CDKL3: variants seen among roughly 807,000 people sequenced by gnomAD.
The protein encoded by CDKL3 is cyclin-dependent kinase-like 3.
CDKL3 carries 65 observed loss-of-function variants against 69.3 expected under a neutral mutation model. The ratio of observed to expected loss-of-function variants is 0.94; its 90% CI spans 0.77 to 1.15. The LOEUF is 1.15. Among genes scored for constraint, CDKL3 ranks in the 50% most tolerant of loss-of-function variants. The pLI is 0.00. For synonymous variants in CDKL3, 202 were observed against 221.6 expected (o/e 0.91, Z 0.79); for missense variants, 652 against 689.2 (o/e 0.95, Z 0.61).
At chr5:134,344,744 C>G (rs1442381497) in intron 4 of CDKL3, among the ~76,000 whole-genome samples, 1 of 152,016 alleles carries the variant, frequency 6.6e-6, no homozygotes, top group East Asian at 1.9e-4. Context: ...GTCAAAATAG[C>G]GAGACCCTGT....
At chr5:134,294,101 T>A (rs1765243192), downstream of CDKL3, among the ~76,000 whole-genome samples, 1 of 152,124 alleles carries the variant, frequency 6.6e-6, no homozygotes, top group African/African-American at 2.4e-5. Context: ...AGAGTAAGAC[T>A]CTGTCTCGAA....
intron 4 of CDKL3, among the ~76,000 whole-genome samples, chr5:134,323,322 C>T (rs188225512): frequency 1.3e-5 from 2 of 152,094 alleles, no homozygotes; most frequent in Non-Finnish European, 2.9e-5. Flanking sequence ...TAAATACATA[C>T]AATTTAATCT....
downstream of CDKL3, among the ~76,000 whole-genome samples, chr5:134,283,585 C>A (rs182112320): frequency 2.6e-5 from 4 of 152,256 alleles, no homozygotes; most frequent in Admixed American, 1.3e-4. Context: ...CCAAGTCCTT[C>A]CCACAACACA....
At chr5:134,294,968 A>G (rs1765281419), downstream of CDKL3, among the ~76,000 whole-genome samples, 3 of 150,198 alleles carry the variant, frequency 2.0e-5, no homozygotes, top group Admixed American at 1.3e-4. Flanking sequence ...CTAAATAAAG[A>G]GTTTGTATCA....
upstream of CDKL3, among the ~76,000 whole-genome samples, chr5:134,369,135 C>T (rs1758055591): frequency 6.6e-6 from 1 of 152,178 alleles, no homozygotes; most frequent in African/African-American, 2.4e-5. Context: ...CAGTTAATAG[C>T]TTTAAAATTA....
intron 4 of CDKL3, among the ~76,000 whole-genome samples, chr5:134,334,831 G>A (rs1437431613): frequency 1.3e-5 from 2 of 152,116 alleles, no homozygotes; most frequent in East Asian, 1.9e-4. Context: ...TATTAGGTCC[G>A]CTTGGTCCAG....
intron 11 of CDKL3, among the ~76,000 whole-genome samples, chr5:134,303,781 G>T (rs546715338): frequency 1.3e-5 from 2 of 151,984 alleles, no homozygotes; most frequent in East Asian, 3.9e-4. Flanking sequence ...CCTGGGAGGT[G>T]GTGGTTGCAC....
rs377413286 is a variant in CDKL3 at position 134,321,907 on chromosome 5, A to T, written c.540-4T>A. The T allele has an allele frequency of 1.4e-4, 212 of 1,522,698 alleles. No homozygotes were observed. Among genetic ancestry groups the T allele is most frequent in the Non-Finnish European group, 1.8e-4 (198 of 1,110,070 alleles). 94.3% of individuals were successfully genotyped at this position (1,522,698 alleles called of 1,614,324 possible). A position where few individuals can be genotyped will look rare whatever the true frequency, so the allele number is the denominator to read the frequency against. ...CAAAGCCCAGATATCCACAGGTCTGAAACAGATCAGGGAAAAAAAAATCAC... is the reference window on the plus strand; with the variant it reads ...CAAAGCCCAGATATCCACAGGTCTGTAACAGATCAGGGAAAAAAAAATCAC... On this transcript the variant is annotated splice_polypyrimidine_tract_variant and splice_region_variant and intron_variant, in intron 4 of 12. Transcript: ENST00000265334.
chr5:134,362,958 G>A (rs1371637619), intron 2 of CDKL3, among the ~76,000 whole-genome samples: 1 of 152,066 alleles, frequency 6.6e-6, no homozygotes, highest in Non-Finnish European at 1.5e-5. Flanking sequence ...ATAACAAAAA[G>A]CCAATGAGAA....
At chr5:134,317,852 G>C (rs939522162) in intron 6 of CDKL3, among the ~76,000 whole-genome samples, 2 of 152,150 alleles carry the variant, frequency 1.3e-5, no homozygotes, top group Non-Finnish European at 2.9e-5. Flanking sequence ...GAACTGCAGT[G>C]AGCCGAGGTG....
chr5:134,361,789 A>C (rs893851429), intron 2 of CDKL3, among the ~76,000 whole-genome samples: 5 of 152,330 alleles, frequency 3.3e-5, no homozygotes, highest in Admixed American at 3.3e-4. Context: ...CTGTAATCCC[A>C]GCTACTAGAG....
chr5:134,359,936 G>C lies in CDKL3; in HGVS notation c.321C>G (p.Phe107Leu), dbSNP rs753244596. 1 of 1,588,340 alleles carries C rather than the reference G, an allele frequency of 6.3e-7. No individual in the cohort carries two copies. Among genetic ancestry groups the C allele is most frequent in the Non-Finnish European group, 8.6e-7 (1 of 1,166,512 alleles). Residue 107 changes from phenylalanine to leucine, a missense_variant, in exon 3 of 13, where the codon TTC becomes TTG. Transcript: ENST00000265334. The part of the protein sequence containing the change: ...LESKRLRKYL[F>L]QILRAIDYLH... ...GATAGTCAATTGCTCGAAGGATCTG[G>C]AAGAGGTATTTTCTAAGTCGCTTAC...
rs144072518 is a variant in CDKL3, at chr5:134,292,934, A to G, written c.*678-6375T>C. Among the ~76,000 whole-genome samples, 104 of 151,542 alleles carry G rather than the reference A, an allele frequency of 6.9e-4. 1 individual carries two copies. The East Asian group carries it at 0.019, about 28-fold the overall frequency. On this transcript the variant is annotated intron_variant and NMD_transcript_variant, in intron 8 of 8. Coordinates refer to the CDKL3 transcript ENST00000519312. ...ATCTCTATTAAATAAATGTAAGGAA[A>G]TTAAATTTGTATATTAAGATCCTTT... is the stretch of plus-strand genomic sequence containing the variant.
intron 4 of CDKL3, among the ~76,000 whole-genome samples, chr5:134,347,745 A>G (rs538806803): frequency 7.3e-5 from 11 of 150,670 alleles, no homozygotes; most frequent in African/African-American, 2.7e-4. Context: ...AATACATGCT[A>G]TGTTAAGTGA....
intron 3 of CDKL3, among the ~76,000 whole-genome samples, chr5:134,356,824 A>T (rs576072523): frequency 7.9e-5 from 12 of 152,100 alleles, no homozygotes; most frequent in African/African-American, 2.9e-4. Flanking sequence ...AAAAACTCTT[A>T]TCTCACAATC....
At chr5:134,286,713 A>G (rs1413343726) in intron 8 of CDKL3, among the ~76,000 whole-genome samples, 1 of 152,164 alleles carries the variant, frequency 6.6e-6, no homozygotes, top group Non-Finnish European at 1.5e-5. Context: ...TTGTGCAGGA[A>G]AACTCCCCCT....
At chr5:134,321,215 T>C (rs1018143580) in intron 5 of CDKL3, among the ~76,000 whole-genome samples, 1 of 151,954 alleles carries the variant, frequency 6.6e-6, no homozygotes, top group Non-Finnish European at 1.5e-5. Flanking sequence ...TTTCACTATG[T>C]TGGTCAGGTT....
At position 134,306,750 on chromosome 5, in the gene CDKL3, CTTTTTTT is replaced by C. The variant is rs11414446; in HGVS notation, c.1365-55_1365-49del. The C allele has an allele frequency of 6.1e-3, 1,384 of 227,678 alleles. 8 individuals carry two copies. Among genetic ancestry groups the C allele is most frequent in the African/African-American group, 0.047 (953 of 20,120 alleles). The allele number at this position is 227,678 out of a possible 1,614,324, so 14.1% of individuals were successfully genotyped here. ...AAGTTACTAAAACTCCCCAGAAATG[CTTTTTTT>C]TTTTTTTTTTTTTTTTTGGCAGATT... On this transcript the variant is annotated intron_variant, in intron 9 of 12. Coordinates refer to ENST00000265334, the MANE Select transcript of CDKL3 (RefSeq NM_001113575.2).
intron 7 of CDKL3, among the ~76,000 whole-genome samples, chr5:134,311,146 A>G (rs1377689765): frequency 6.6e-6 from 1 of 152,236 alleles, no homozygotes; most frequent in African/African-American, 2.4e-5. Flanking sequence ...TGGGGCACAG[A>G]AGGGCCATAA....
Sources: gnomAD v4.1 joint callset for allele counts (sites outside exome capture counted in the v4.1 genomes callset) on GRCh38, gnomAD v4.1.1 for gene constraint, MANE v1.5 for transcripts, NCBI Gene and HGNC (gene_info 2026-07-23, HGNC 2026-07-21) for gene names.